Variants in TASP1 observed in about 807,000 individuals in gnomAD.
TASP1 encodes threonine aspartase 1.
TASP1 carries 16 observed loss-of-function variants against 56.6 expected under a neutral mutation model. That is an observed-to-expected ratio of 0.28 (90% confidence interval 0.19 to 0.43). The LOEUF (loss-of-function observed/expected upper bound fraction) is 0.43. Ranked by LOEUF, TASP1 falls within the 20% of genes least tolerant of loss-of-function variation. The pLI, the probability that TASP1 is intolerant of heterozygous loss-of-function variation, is 1.00. For synonymous variants in TASP1, 179 were observed against 184.2 expected, an observed-to-expected ratio of 0.97 and a Z score of 0.23; for missense variants, 393 against 511.6, an observed-to-expected ratio of 0.77 and a Z score of 2.24.
In TASP1 at chr20:13,405,020, C is replaced by T. The variant is rs1023370898; in HGVS notation, c.1170+12428G>A. On this transcript the variant is annotated intron_variant, in intron 13 of 13. Coordinates refer to ENST00000337743, the MANE Select transcript of TASP1 (RefSeq NM_017714.3). ...ATTTAGTCAGTTATACCCCAATAAC[C>T]TTGTGAATAAAAAATTTGAGAATTA... 2.6e-5 allele frequency among the ~76,000 whole-genome samples: 4 copies of T among 152,196 alleles called. No individual in the cohort carries two copies. In the East Asian group the frequency reaches 7.7e-4, roughly 29 times the overall value.
At chr20:13,440,335 A>T (rs995434467) in intron 11 of TASP1, among the ~76,000 whole-genome samples, 2 of 152,204 alleles carry the variant, frequency 1.3e-5, no homozygotes, top group Admixed American at 1.3e-4. Flanking sequence ...AGAAAATAAG[A>T]TCTGGATACA....
the TASP1 span, among the ~76,000 whole-genome samples, chr20:13,323,579 T>C: frequency 6.6e-6 from 1 of 152,230 alleles, no homozygotes; most frequent in Non-Finnish European, 1.5e-5. Context: ...ATTTACTTTG[T>C]TAGGCAACAT....
the TASP1 span, chr20:13,117,802 C>A: frequency 7.4e-7 from 1 of 1,354,184 alleles, no homozygotes; most frequent in Non-Finnish European, 1.0e-6. Context: ...CTCTGAATTT[C>A]ATGAAAGCTT....
At chr20:13,439,647 A>T (rs1376654182) in intron 11 of TASP1, among the ~76,000 whole-genome samples, 1 of 152,162 alleles carries the variant, frequency 6.6e-6, no homozygotes, top group Non-Finnish European at 1.5e-5. Context: ...CCTAAAACTT[A>T]AAGTATAATT....
chr20:13,190,096 A>C, the TASP1 span, among the ~76,000 whole-genome samples: 2 of 152,202 alleles, frequency 1.3e-5, no homozygotes, highest in African/African-American at 4.8e-5. Context: ...TGGGAGCTAA[A>C]CATTAGGTGC....
At chr20:13,287,689 G>A in the TASP1 span, among the ~76,000 whole-genome samples, 90,187 of 152,042 alleles carry the variant, frequency 0.59, 27,847 homozygotes, top group African/African-American at 0.78. Flanking sequence ...TGTATCTCAT[G>A]TACCAAGAAT....
At chr20:13,239,960 T>A in the TASP1 span, among the ~76,000 whole-genome samples, 1 of 152,232 alleles carries the variant, frequency 6.6e-6, no homozygotes, top group East Asian at 1.9e-4. Flanking sequence ...TAAGTGTACA[T>A]CTAAAGTGCT....
At chr20:13,485,885 T>C (rs1221342351) in intron 10 of TASP1, among the ~76,000 whole-genome samples, 1 of 152,204 alleles carries the variant, frequency 6.6e-6, no homozygotes, top group Non-Finnish European at 1.5e-5. Flanking sequence ...CAGAAGGTTA[T>C]ATACACATGC....
chr20:13,552,206 C>T (rs543615530), intron 8 of TASP1, among the ~76,000 whole-genome samples: 19 of 152,158 alleles, frequency 1.2e-4, no homozygotes, highest in African/African-American at 4.6e-4. Flanking sequence ...ATATAAACTC[C>T]CCCGCCATCT....
chr20:13,443,412 T>C (rs1476024943), intron 11 of TASP1, among the ~76,000 whole-genome samples: 3 of 152,134 alleles, frequency 2.0e-5, no homozygotes, highest in African/African-American at 7.2e-5. Flanking sequence ...ATTAAGACAA[T>C]CTTAAATTCC....
the TASP1 span, among the ~76,000 whole-genome samples, chr20:13,326,105 G>A: frequency 6.6e-6 from 1 of 152,144 alleles, no homozygotes; most frequent in Non-Finnish European, 1.5e-5. Context: ...CTCAGCATAA[G>A]GCCTTTGAGA....
intron 7 of TASP1, among the ~76,000 whole-genome samples, chr20:13,562,915 A>ATGTGTG (rs199844282): frequency 1.6e-5 from 2 of 128,678 alleles, no homozygotes; most frequent in African/African-American, 3.0e-5. Context: ...ACATATATAT[A>ATGTGTG]TGTGTGTGTG....
intron 11 of TASP1, among the ~76,000 whole-genome samples, chr20:13,456,018 C>T (rs2043820267): frequency 2.0e-5 from 3 of 152,226 alleles, no homozygotes; most frequent in East Asian, 1.9e-4. Flanking sequence ...TTTAAACAAG[C>T]GGGATCAAGA....
chr20:13,318,130 C>A, the TASP1 span, among the ~76,000 whole-genome samples: 12,726 of 31,464 alleles, frequency 0.4, 1,141 homozygotes, highest in African/African-American at 0.52. Context: ...TCTGAGGACA[C>A]TTGAAAAAAT....
At chr20:13,256,598 G>A in the TASP1 span, among the ~76,000 whole-genome samples, 17 of 152,090 alleles carry the variant, frequency 1.1e-4, no homozygotes, top group African/African-American at 2.7e-4. Context: ...CACTGACCAC[G>A]TCTTCCATCC....
chr20:13,117,667 T>C, the TASP1 span: 1 of 1,613,912 alleles, frequency 6.2e-7, no homozygotes, highest in Non-Finnish European at 8.5e-7. Context: ...GTTGATGTGC[T>C]CATGGGCACA....
the TASP1 span, among the ~76,000 whole-genome samples, chr20:13,340,180 C>T: frequency 6.6e-6 from 1 of 152,156 alleles, no homozygotes; most frequent in Non-Finnish European, 1.5e-5. Flanking sequence ...ATTCCAGATT[C>T]TCCCATCTTC....
chr20:13,150,030 T>G, the TASP1 span, among the ~76,000 whole-genome samples: 4 of 152,204 alleles, frequency 2.6e-5, no homozygotes, highest in African/African-American at 9.7e-5. Flanking sequence ...GCAAAAGTGC[T>G]GAATGCACAC....
At chr20:13,375,209 T>G in the TASP1 span, among the ~76,000 whole-genome samples, 1 of 152,078 alleles carries the variant, frequency 6.6e-6, no homozygotes, top group Non-Finnish European at 1.5e-5. Flanking sequence ...CATTAGGTAT[T>G]TCTCCTAATG....
Sources: gnomAD v4.1 joint callset for allele counts (sites outside exome capture counted in the v4.1 genomes callset) on GRCh38, gnomAD v4.1.1 for gene constraint, MANE v1.5 for transcripts, NCBI Gene and HGNC (gene_info 2026-07-23, HGNC 2026-07-21) for gene names.